The following ALMS1 variants were observed in gnomAD, a reference collection of about 807,000 sequenced individuals.
ALMS1 encodes the protein ALMS1 centrosome and basal body associated protein.
A neutral mutation model predicts 352.2 loss-of-function variants in ALMS1; 271 were observed. The ratio of observed to expected loss-of-function variants is 0.77; its 90% CI spans 0.70 to 0.85. The LOEUF is 0.85. Ranked by LOEUF, ALMS1 falls within the 40% of genes least tolerant of loss-of-function variation. ALMS1 has a pLI of 0.00. For synonymous variants in ALMS1, 1,865 were observed against 1,761.2 expected (o/e 1.06, Z -1.48); for missense variants, 5,445 against 4,870.7 (o/e 1.12, Z -3.51).
chr2:73,395,080 T>A (rs202154789), intron 1 of ALMS1, among the ~76,000 whole-genome samples: 11,582 of 108,478 alleles, frequency 0.11, 905 homozygotes, highest in East Asian at 0.3. Flanking sequence ...ATATATATAT[T>A]TTTTTTTTTT....
At chr2:73,432,827 T>G (rs75361602) in intron 7 of ALMS1, among the ~76,000 whole-genome samples, 2,944 of 152,174 alleles carry the variant, frequency 0.019, 119 homozygotes, top group African/African-American at 0.065. Context: ...AATCATTTGG[T>G]TTTTCATCGC....
At chr2:73,414,379 T>TTA (rs1671138562) in intron 2 of ALMS1, among the ~76,000 whole-genome samples, 1 of 127,146 alleles carries the variant, frequency 7.9e-6, no homozygotes, top group African/African-American at 2.6e-5. Flanking sequence ...GTAGCTTTTT[T>TTA]AAAAAAATAT....
At chr2:73,481,696 T>C (rs1672707672) in intron 9 of ALMS1, among the ~76,000 whole-genome samples, 1 of 151,150 alleles carries the variant, frequency 6.6e-6, no homozygotes, top group Non-Finnish European at 1.5e-5. Flanking sequence ...ATATTGATTC[T>C]TCCTACCCAT....
Position 73,491,071 on chromosome 2 carries a change from C to T in ALMS1, c.9112C>T (p.Pro3038Ser), listed in dbSNP as rs370622410. Residue 3038 changes from proline to serine, a missense_variant, in exon 10 of 23, where the codon CCT becomes TCT. Transcript: ENST00000613296. The part of the protein sequence containing the change: ...CTLAASASTP[P>S]SNRKALSCVH... ...ATTAGCAGCATCTGCATCTACTCCTCCTTCAAATAGAAAAGCACTTTCTTG... is the reference window on the plus strand; with the variant it reads ...ATTAGCAGCATCTGCATCTACTCCTTCTTCAAATAGAAAAGCACTTTCTTG... 5 of 1,614,082 alleles carry T rather than the reference C, an allele frequency of 3.1e-6. No homozygotes were observed. In the African/African-American group the frequency reaches 6.7e-5, roughly 22 times the overall value.
intron 10 of ALMS1, among the ~76,000 whole-genome samples, chr2:73,494,755 G>T (rs919966356): frequency 1.3e-5 from 2 of 152,218 alleles, no homozygotes; most frequent in African/African-American, 4.8e-5. Context: ...TGTTAACCTT[G>T]ATCACTTGGC....
At chr2:73,463,358 A>G (rs1335003231) in intron 9 of ALMS1, among the ~76,000 whole-genome samples, 5 of 152,112 alleles carry the variant, frequency 3.3e-5, no homozygotes, top group Admixed American at 1.3e-4. Context: ...ACTACTGGGT[A>G]CATAACGAAA....
intron 2 of ALMS1, among the ~76,000 whole-genome samples, chr2:73,414,483 T>G (rs535555018): frequency 0.012 from 1,101 of 89,948 alleles, 16 homozygotes; most frequent in African/African-American, 0.032. Context: ...GTTTTTTTTT[T>G]TTTTTGTTTT....
In ALMS1 at chr2:73,451,405, T is replaced by A. The variant is rs2103784269; in HGVS notation, c.4878T>A (p.Thr1626=). 1.2e-6 allele frequency: 2 copies of A among 1,613,822 alleles called. No homozygotes were observed. The highest frequency in any genetic ancestry group is 1.7e-6 in the Non-Finnish European group (2 of 1,179,942). Residue 1626 remains threonine, a synonymous_variant, in exon 8 of 23, where the codon ACT becomes ACA. Transcript: ENST00000613296. ...GSSALGEKPI[T]FYRQALLDSP... The stretch of plus-strand genomic sequence containing the variant: ...GTGCACTTGGAGAGAAGCCCATTAC[T>A]TTCTACCGGCAGGCTCTGCTAGACA...
At chr2:73,472,848 T>C (rs1034050884) in intron 9 of ALMS1, among the ~76,000 whole-genome samples, 2 of 152,092 alleles carry the variant, frequency 1.3e-5, no homozygotes, top group African/African-American at 4.8e-5. Context: ...CCTTTTGTTT[T>C]ACACAGCTCA....
chr2:73,455,233 A>G lies in ALMS1; in HGVS notation c.7612A>G (p.Arg2538Gly). The change falls in exon 9 of 23, where the codon AGG becomes GGG. Residue 2538 changes from arginine to glycine, a missense_variant. Coordinates refer to ENST00000613296, the MANE Select transcript of ALMS1 (RefSeq NM_001378454.1). ...TTCAGAATTAAATGAAGATGACAGG[A>G]GGAAAGTAGAAGAGATCAAGGCAGA... ...SISELNEDDR[R>G]KVEEIKAELF... is the part of the protein sequence containing the mutation. The G allele has an allele frequency of 6.2e-7, 1 of 1,614,162 alleles. No individual in the cohort carries two copies. Among genetic ancestry groups the G allele is most frequent in the Non-Finnish European group, 8.5e-7 (1 of 1,180,000 alleles).
At chr2:73,399,431 A>G (rs1221209674) in intron 1 of ALMS1, among the ~76,000 whole-genome samples, 1 of 152,040 alleles carries the variant, frequency 6.6e-6, no homozygotes, top group Non-Finnish European at 1.5e-5. Context: ...TGGTGAGCTT[A>G]CAATCATGGT....
At chr2:73,540,201 T>C (rs1674141273) in intron 12 of ALMS1, among the ~76,000 whole-genome samples, 2 of 152,030 alleles carry the variant, frequency 1.3e-5, no homozygotes, top group Non-Finnish European at 2.9e-5. Flanking sequence ...CAGAAGAGAG[T>C]GGGGGCCAGT....
At chr2:73,604,992 G>A (rs557434689) in intron 21 of ALMS1, among the ~76,000 whole-genome samples, 8 of 152,210 alleles carry the variant, frequency 5.3e-5, no homozygotes, top group Admixed American at 3.3e-4. Flanking sequence ...CCTTTGCACC[G>A]TGAAGGATGA....
At chr2:73,487,632 G>C (rs930062896) in intron 9 of ALMS1, among the ~76,000 whole-genome samples, 4 of 152,212 alleles carry the variant, frequency 2.6e-5, no homozygotes, top group Non-Finnish European at 5.9e-5. Context: ...TTGTGTTACA[G>C]CTCTTTTAGT....
intron 13 of ALMS1, among the ~76,000 whole-genome samples, chr2:73,550,788 A>C (rs551335836): frequency 1.3e-5 from 2 of 152,294 alleles, no homozygotes; most frequent in Non-Finnish European, 2.9e-5. Flanking sequence ...GATATTACAA[A>C]GTAATGTCTT....
At position 73,424,818 on chromosome 2, in the gene ALMS1, A is replaced by G. The variant is rs761174114; in HGVS notation, c.1153A>G (p.Ser385Gly). The change falls in exon 5 of 23, where the codon AGT becomes GGT. Residue 385 changes from serine (S) to glycine (G), a missense_variant. Transcript: ENST00000613296. Reference sequence around the variant, plus strand: ...TGATGAAAACATAGCTACTAAAAGAAGTGACCATTTTGATGCTGCTCGTTC... The same window carrying G: ...TGATGAAAACATAGCTACTAAAAGAGGTGACCATTTTGATGCTGCTCGTTC... ...ITDENIATKR[S>G]DHFDAARSYG... is the part of the protein sequence containing the mutation. The G allele has an allele frequency of 3.1e-5, 50 of 1,610,018 alleles. No individual in the cohort carries two copies. The highest frequency in any genetic ancestry group is 4.0e-5 in the Non-Finnish European group (47 of 1,177,352).
intron 1 of ALMS1, among the ~76,000 whole-genome samples, chr2:73,406,324 C>G (rs1670971117): frequency 6.6e-6 from 1 of 151,826 alleles, no homozygotes; most frequent in Non-Finnish European, 1.5e-5. Context: ...TTTTGGTTAC[C>G]ATTTGCATGG....
intron 16 of ALMS1, among the ~76,000 whole-genome samples, chr2:73,584,339 A>G (rs534606966): frequency 3.9e-5 from 6 of 152,270 alleles, no homozygotes; most frequent in African/African-American, 1.4e-4. Flanking sequence ...ATCATGAGTT[A>G]TTTTACATTA....
chr2:73,525,117 C>G (rs943544447), intron 11 of ALMS1, among the ~76,000 whole-genome samples: 3 of 151,956 alleles, frequency 2.0e-5, no homozygotes, highest in Non-Finnish European at 4.4e-5. Flanking sequence ...CATGTACTGC[C>G]TTTGTGTATA....
Sources: allele counts gnomAD v4.1 joint callset (sites outside exome capture counted in the v4.1 genomes callset), GRCh38; gene constraint gnomAD v4.1.1; transcripts MANE v1.5; gene names NCBI Gene and HGNC (gene_info 2026-07-23, HGNC 2026-07-21).